Variants in ROBO1 observed in about 807,000 individuals in gnomAD.
ROBO1 encodes the protein roundabout guidance receptor 1.
Under a neutral mutation model 195.9 loss-of-function variants are expected in ROBO1, and 149 were observed. The observed-to-expected ratio is 0.76, with a 90% CI of 0.67 to 0.87. ROBO1 has a LOEUF of 0.87. Ranked by LOEUF, ROBO1 falls within the 40% of genes least tolerant of loss-of-function variation. The pLI, the probability that ROBO1 is intolerant of heterozygous loss-of-function variation, is 0.00. For missense variants in ROBO1, 1,933 were observed against 2,068.3 expected (o/e 0.93, Z 1.27); for synonymous variants, 816 against 733.2 (o/e 1.11, Z -1.82).
At chr3:78,860,327 T>TATATATATATATATATATATATA (rs1491455003) in intron 4 of ROBO1, among the ~76,000 whole-genome samples, 1 of 12,568 alleles carries the variant, frequency 8.0e-5, no homozygotes, top group Non-Finnish European at 1.9e-4. Context: ...TATATATATA[T>TATATATATATATATATATATATA]TTTTTTTTTT....
chr3:78,875,870 T>C (rs969529442), intron 4 of ROBO1, among the ~76,000 whole-genome samples: 4 of 152,092 alleles, frequency 2.6e-5, no homozygotes, highest in Non-Finnish European at 5.9e-5. Context: ...CCTTCACATG[T>C]ATAATCTGTA....
chr3:78,988,815 T>A (rs1043117457), intron 3 of ROBO1, among the ~76,000 whole-genome samples: 1 of 152,204 alleles, frequency 6.6e-6, no homozygotes, highest in Non-Finnish European at 1.5e-5. Flanking sequence ...AGTTGTATAC[T>A]AGCCAAATTA....
chr3:78,913,926 G>A (rs774832330), intron 4 of ROBO1, among the ~76,000 whole-genome samples: 12 of 152,220 alleles, frequency 7.9e-5, no homozygotes, highest in Non-Finnish European at 1.6e-4. Flanking sequence ...AAAACTTCAC[G>A]GCCCCAGGCC....
At chr3:78,970,003 A>T (rs1348968487) in intron 3 of ROBO1, among the ~76,000 whole-genome samples, 2 of 152,148 alleles carry the variant, frequency 1.3e-5, no homozygotes, top group African/African-American at 2.4e-5. Context: ...TTTTGGATAC[A>T]TAGGGGAAAG....
intron 4 of ROBO1, among the ~76,000 whole-genome samples, chr3:78,790,315 T>C (rs2083978830): frequency 6.6e-6 from 1 of 152,206 alleles, no homozygotes; most frequent in Non-Finnish European, 1.5e-5. Context: ...CATTATTTTT[T>C]ATTTTTTAAT....
chr3:79,067,262 G>A (rs184509112), intron 3 of ROBO1, among the ~76,000 whole-genome samples: 1 of 151,896 alleles, frequency 6.6e-6, no homozygotes. Context: ...CTTAATGAGG[G>A]TTAAACTCAT....
chr3:79,387,475 A>G (rs1294143084), intron 2 of ROBO1, among the ~76,000 whole-genome samples: 1 of 150,546 alleles, frequency 6.6e-6, no homozygotes. Flanking sequence ...ATATATACAA[A>G]TATAGTACAT....
chr3:79,184,473 C>T (rs2081400387), intron 2 of ROBO1, among the ~76,000 whole-genome samples: 1 of 152,078 alleles, frequency 6.6e-6, no homozygotes, highest in African/African-American at 2.4e-5. Context: ...CAACCTAAAG[C>T]TTGTGCTTTA....
At chr3:79,071,544 C>CT (rs2079089176) in intron 3 of ROBO1, among the ~76,000 whole-genome samples, 1 of 151,642 alleles carries the variant, frequency 6.6e-6, no homozygotes, top group African/African-American at 2.4e-5. Flanking sequence ...TATTTGTACT[C>CT]TTTTTTATGG....
At chr3:79,399,736 T>C (rs2037292614) in intron 2 of ROBO1, among the ~76,000 whole-genome samples, 1 of 152,148 alleles carries the variant, frequency 6.6e-6, no homozygotes, top group African/African-American at 2.4e-5. Flanking sequence ...TGCTTTCAGG[T>C]TGACAGAAGA....
chr3:79,393,157 T>G (rs552840912), intron 2 of ROBO1, among the ~76,000 whole-genome samples: 1 of 152,370 alleles, frequency 6.6e-6, no homozygotes, highest in African/African-American at 2.4e-5. Context: ...TAGGTAGAAC[T>G]AATAAGCCTT....
intron 2 of ROBO1, among the ~76,000 whole-genome samples, chr3:79,247,416 A>G (rs1305411059): frequency 6.6e-6 from 1 of 151,464 alleles, no homozygotes; most frequent in Non-Finnish European, 1.5e-5. Context: ...CGAACAAAGG[A>G]AAAGTCCATT....
chr3:79,689,932 T>C (rs1027100067), intron 1 of ROBO1, among the ~76,000 whole-genome samples: 1 of 151,976 alleles, frequency 6.6e-6, no homozygotes, highest in African/African-American at 2.4e-5. Flanking sequence ...TTAAAAGTAG[T>C]TCTTACTTAT....
At chr3:78,668,904 T>G (rs1707893310) in intron 11 of ROBO1, among the ~76,000 whole-genome samples, 1 of 152,202 alleles carries the variant, frequency 6.6e-6, no homozygotes, top group Admixed American at 6.5e-5. Context: ...AAGATATATC[T>G]TTATGTTTAA....
chr3:79,329,220 T>A (rs2109162657), intron 2 of ROBO1, among the ~76,000 whole-genome samples: 1 of 152,250 alleles, frequency 6.6e-6, no homozygotes, highest in African/African-American at 2.4e-5. Flanking sequence ...ACATGGCAAA[T>A]CTTGAAAAAA....
intron 1 of ROBO1, among the ~76,000 whole-genome samples, chr3:79,763,733 G>T (rs759279430): frequency 6.6e-6 from 1 of 152,100 alleles, no homozygotes; most frequent in Non-Finnish European, 1.5e-5. Flanking sequence ...GATAGGGGTG[G>T]GGTATATTTT....
chr3:78,787,920 C>T (rs908394712), intron 4 of ROBO1, among the ~76,000 whole-genome samples: 2 of 143,208 alleles, frequency 1.4e-5, no homozygotes, highest in Admixed American at 1.4e-4. Flanking sequence ...GAGTTAGACC[C>T]CTTCTCTTTT....
At chr3:79,759,066 A>T (rs1704557850) in intron 1 of ROBO1, among the ~76,000 whole-genome samples, 1 of 151,350 alleles carries the variant, frequency 6.6e-6, no homozygotes, top group Non-Finnish European at 1.5e-5. Flanking sequence ...CACTCTCTTA[A>T]ATTAATACCC....
rs2082666609 is a variant in ROBO1 at position 78,746,738 on chromosome 3, C to T, written c.657+5G>A. On this transcript the variant is annotated splice_donor_5th_base_variant and intron_variant, in intron 5 of 30. Transcript: ENST00000464233. ...ATGTCCTCTGCTGTTGAATTAAATA[C>T]TCACAGTTATTCTTTCATCTTTATC... 6.7e-7 allele frequency: 1 copy of T among 1,488,744 alleles called. No homozygotes were observed. Among genetic ancestry groups the T allele is most frequent in the Non-Finnish European group, 9.1e-7 (1 of 1,103,928 alleles). The allele number at this position is 1,488,744 out of a possible 1,614,324, so 92.2% of individuals were successfully genotyped here.
Sources: gnomAD v4.1 joint callset for allele counts (sites outside exome capture counted in the v4.1 genomes callset) on GRCh38, gnomAD v4.1.1 for gene constraint, MANE v1.5 for transcripts, NCBI Gene and HGNC (gene_info 2026-07-23, HGNC 2026-07-21) for gene names.